The following PPM1E variants were observed in gnomAD, a reference collection of about 807,000 sequenced individuals.
PPM1E encodes the protein protein phosphatase 1E.
A neutral mutation model predicts 65.9 loss-of-function variants in PPM1E; 20 were observed. That is an observed-to-expected ratio of 0.30 (90% CI 0.21 to 0.44). The LOEUF is 0.44. Among genes scored for constraint, PPM1E ranks in the 20% least tolerant of loss-of-function variants. The pLI is 1.00. For synonymous variants in PPM1E, 352 were observed against 374.9 expected (o/e 0.94, Z 0.70); for missense variants, 713 against 953.1 (o/e 0.75, Z 3.32).
intron 1 of PPM1E, among the ~76,000 whole-genome samples, chr17:58,837,068 G>A (rs979422316): frequency 2.8e-5 from 4 of 143,944 alleles, no homozygotes; most frequent in Admixed American, 1.4e-4. Flanking sequence ...GTGAGCCACC[G>A]TGCCCAGCCA....
chr17:58,825,646 T>G (rs1323872553), intron 1 of PPM1E, among the ~76,000 whole-genome samples: 2 of 151,970 alleles, frequency 1.3e-5, no homozygotes, highest in Admixed American at 1.3e-4. Flanking sequence ...AACCTTCACC[T>G]CCTGGGTTCA....
At chr17:58,800,698 A>T (rs979330316) in intron 1 of PPM1E, among the ~76,000 whole-genome samples, 2 of 152,186 alleles carry the variant, frequency 1.3e-5, no homozygotes, top group Non-Finnish European at 2.9e-5. Context: ...TGTCAAACAT[A>T]TTGAGATAAA....
At chr17:58,964,352 C>T (rs1430735259) in intron 2 of PPM1E, among the ~76,000 whole-genome samples, 1 of 151,996 alleles carries the variant, frequency 6.6e-6, no homozygotes, top group South Asian at 2.1e-4. Context: ...AAGTGGAGGG[C>T]AACTTGAGTG....
chr17:58,766,814 A>G (rs564478703), intron 1 of PPM1E, among the ~76,000 whole-genome samples: 1 of 152,292 alleles, frequency 6.6e-6, no homozygotes, highest in South Asian at 2.1e-4. Context: ...GCAACTCTGA[A>G]TATTTATTAG....
chr17:58,962,835 T>G (rs1179548862), intron 2 of PPM1E, among the ~76,000 whole-genome samples: 1 of 152,052 alleles, frequency 6.6e-6, no homozygotes, highest in Non-Finnish European at 1.5e-5. Flanking sequence ...ATCCCAGTAC[T>G]TTGGGAGGCT....
chr17:58,903,354 T>C (rs1243830747), intron 1 of PPM1E, among the ~76,000 whole-genome samples: 1 of 152,200 alleles, frequency 6.6e-6, no homozygotes, highest in Non-Finnish European at 1.5e-5. Flanking sequence ...CTGGTGTTGC[T>C]GAACATTTTT....
chr17:58,962,625 T>C (rs1489165274), intron 2 of PPM1E, among the ~76,000 whole-genome samples: 2 of 152,220 alleles, frequency 1.3e-5, no homozygotes, highest in Non-Finnish European at 2.9e-5. Context: ...AAATAGTCTC[T>C]GGCAGCTAGT....
At position 58,977,440 on chromosome 17, in the gene PPM1E, C is replaced by CAAA. The variant is rs1282159101; in HGVS notation, c.1211-2520_1211-2518dup. On this transcript the variant is annotated intron_variant, in intron 6 of 6. Coordinates refer to ENST00000308249, the MANE Select transcript of PPM1E (RefSeq NM_014906.5). ...TCTGGGCCACAGTGAGACTCTGTCTCAAAAAAAAAAAAAAAAGAAATAATG... is the reference window on the plus strand; with the variant it reads ...TCTGGGCCACAGTGAGACTCTGTCTCAAAAAAAAAAAAAAAAAAAGAAATAATG... Among the ~76,000 whole-genome samples the CAAA allele has an allele frequency of 8.3e-3, 516 of 62,096 alleles. 1 individual carries two copies. Among genetic ancestry groups the CAAA allele is most frequent in the African/African-American group, 0.029 (487 of 16,998 alleles). 40.7% of individuals were successfully genotyped at this position (62,096 alleles called of 152,430 possible). A position where few individuals can be genotyped will look rare whatever the true frequency, so the allele number is the denominator to read the frequency against.
chr17:58,803,051 G>A (rs1288711309), intron 1 of PPM1E, among the ~76,000 whole-genome samples: 1 of 151,976 alleles, frequency 6.6e-6, no homozygotes, highest in African/African-American at 2.4e-5. Context: ...TTCTAACTAG[G>A]ACTTCATAGT....
At chr17:58,892,763 A>G (rs755132476) in intron 1 of PPM1E, among the ~76,000 whole-genome samples, 1 of 152,222 alleles carries the variant, frequency 6.6e-6, no homozygotes, top group Non-Finnish European at 1.5e-5. Context: ...GGACAACCCA[A>G]TTTAAACATG....
intron 1 of PPM1E, among the ~76,000 whole-genome samples, chr17:58,900,762 C>T (rs1005633674): frequency 2.6e-5 from 4 of 152,032 alleles, no homozygotes; most frequent in Non-Finnish European, 5.9e-5. Flanking sequence ...TTACAAACAA[C>T]GTTGCAATGA....
At chr17:58,907,404 C>T (rs548108903) in intron 1 of PPM1E, among the ~76,000 whole-genome samples, 4 of 140,886 alleles carry the variant, frequency 2.8e-5, no homozygotes, top group Non-Finnish European at 4.7e-5. Context: ...GTTTTATGGC[C>T]CAGAATGTGG....
Position 58,980,875 on chromosome 17 carries a change from G to C in PPM1E, c.2112G>C (p.Leu704=), listed in dbSNP as rs781773467. 6.2e-7 allele frequency: 1 copy of C among 1,614,228 alleles called. No homozygotes were observed. The highest frequency in any genetic ancestry group is 1.1e-5 in the South Asian group (1 of 91,084). Residue 704 remains leucine, a synonymous_variant, in exon 7 of 7, where the codon CTG becomes CTC. Coordinates refer to ENST00000308249, the MANE Select transcript of PPM1E (RefSeq NM_014906.5). The surrounding 1 kb of genome is among the most constrained non-coding windows in gnomAD (Gnocchi z 4.7). Reference sequence around the variant, plus strand: ...CTTCCCACAAAATAGGCACTAGCCTGTCCTCACTTACTGGAAGTGGGAAGA... The same window carrying C: ...CTTCCCACAAAATAGGCACTAGCCTCTCCTCACTTACTGGAAGTGGGAAGA... The part of the protein sequence containing the change: ...QEPSHKIGTS[L]SSLTGSGKRN...
chr17:58,933,879 G>T (rs1297324635), intron 1 of PPM1E, among the ~76,000 whole-genome samples: 2 of 151,784 alleles, frequency 1.3e-5, no homozygotes, highest in African/African-American at 4.8e-5. Flanking sequence ...GGTGGATCAT[G>T]AGGTCAGGAG....
At chr17:58,839,333 AT>A (rs112102304) in intron 1 of PPM1E, among the ~76,000 whole-genome samples, 1 of 151,980 alleles carries the variant, frequency 6.6e-6, no homozygotes. Flanking sequence ...AAAAAAAAAA[AT>A]TTTTTTAAGG....
intron 1 of PPM1E, among the ~76,000 whole-genome samples, chr17:58,873,856 C>G (rs72828726): frequency 0.18 from 27,729 of 150,738 alleles, 2,731 homozygotes; most frequent in Non-Finnish European, 0.21. Context: ...CTTAGCCCCC[C>G]AAAGGGCTAA....
rs2050043447 is a variant in PPM1E at position 58,780,880 on chromosome 17, G to A, written c.464+24419G>A. 5.9e-5 allele frequency among the ~76,000 whole-genome samples: 9 copies of A among 152,078 alleles called. No homozygotes were observed. The South Asian group carries it at 1.9e-3, about 32-fold the overall frequency. On this transcript the variant is annotated intron_variant, in intron 1 of 6. Transcript: ENST00000308249. ...CTTTTTATGTTCATTGGGAATTTTT[G>A]TATTGGATACCACCACGTATAAATA...
chr17:58,830,008 C>G (rs1160202951), intron 1 of PPM1E, among the ~76,000 whole-genome samples: 4 of 151,914 alleles, frequency 2.6e-5, no homozygotes, highest in Non-Finnish European at 5.9e-5. Context: ...TAGTAAGACC[C>G]TGTCTCTAGA....
intron 1 of PPM1E, among the ~76,000 whole-genome samples, chr17:58,856,437 C>T (rs1185235864): frequency 6.6e-6 from 1 of 151,996 alleles, no homozygotes; most frequent in Non-Finnish European, 1.5e-5. Context: ...AGGATTTCTC[C>T]ATGTTGGTCA....
Sources: allele counts gnomAD v4.1 joint callset (sites outside exome capture counted in the v4.1 genomes callset), GRCh38; gene constraint gnomAD v4.1.1; non-coding constraint Gnocchi (gnomAD v3.1); transcripts MANE v1.5; gene names NCBI Gene and HGNC (gene_info 2026-07-23, HGNC 2026-07-21).